The following NRG1 variants were observed in gnomAD, a reference collection of about 807,000 sequenced individuals.
The protein encoded by NRG1 is neuregulin 1.
NRG1 carries 18 observed loss-of-function variants against 63.8 expected under a neutral mutation model. That is an observed-to-expected ratio of 0.28 (90% CI 0.19 to 0.42). The LOEUF (loss-of-function observed/expected upper bound fraction) is 0.42. Ranked by LOEUF, NRG1 falls within the 10% of genes least tolerant of loss-of-function variation. The pLI, the probability that NRG1 is intolerant of heterozygous loss-of-function variation, is 1.00. For missense variants in NRG1, 762 were observed against 814.7 expected (o/e 0.94, Z 0.79); for synonymous variants, 302 against 301.3 (o/e 1.00, Z -0.02).
intron 1 of NRG1, among the ~76,000 whole-genome samples, chr8:32,023,721 G>A (rs13275646): frequency 0.68 from 103,470 of 151,994 alleles, 35,751 homozygotes; most frequent in South Asian, 0.75. Context: ...CCTGGCAGTG[G>A]AGAAACCAAC....
intron 2 of NRG1, among the ~76,000 whole-genome samples, chr8:32,599,577 C>T (rs969498410): frequency 1.3e-5 from 2 of 152,152 alleles, no homozygotes; most frequent in Admixed American, 1.3e-4. Context: ...GTTTATTTGG[C>T]TAACCCATGT....
intron 1 of NRG1, among the ~76,000 whole-genome samples, chr8:31,898,615 A>G (rs1397654220): frequency 6.6e-6 from 1 of 152,184 alleles, no homozygotes; most frequent in African/African-American, 2.4e-5. Context: ...GAGGTAGGAG[A>G]ATCACTTGAA....
intron 1 of NRG1, among the ~76,000 whole-genome samples, chr8:31,874,527 A>G (rs1829748237): frequency 1.3e-5 from 2 of 152,242 alleles, no homozygotes; most frequent in African/African-American, 4.8e-5. Context: ...TAATACAGGC[A>G]TGCAATGCAT....
intron 1 of NRG1, among the ~76,000 whole-genome samples, chr8:32,335,911 C>T (rs1277745136): frequency 6.6e-6 from 1 of 152,088 alleles, no homozygotes; most frequent in Non-Finnish European, 1.5e-5. Context: ...GCCAGGAAGA[C>T]ATGGACAATG....
intron 8 of NRG1, among the ~76,000 whole-genome samples, chr8:32,755,089 A>C (rs1829436335): frequency 6.6e-6 from 1 of 152,180 alleles, no homozygotes; most frequent in Non-Finnish European, 1.5e-5. Flanking sequence ...TCACAGCCTG[A>C]GATGTAAAAA....
chr8:31,913,131 G>T (rs1360957979), intron 1 of NRG1, among the ~76,000 whole-genome samples: 1 of 152,136 alleles, frequency 6.6e-6, no homozygotes, highest in Non-Finnish European at 1.5e-5. Flanking sequence ...TTCTCAGTTT[G>T]CTATAGCTAG....
At chr8:31,760,366 G>A (rs1817409521) in intron 1 of NRG1, among the ~76,000 whole-genome samples, 1 of 151,948 alleles carries the variant, frequency 6.6e-6, no homozygotes, top group Admixed American at 6.6e-5. Flanking sequence ...TTGTAGATAT[G>A]CTACCATTCA....
At position 31,853,045 on chromosome 8, in the gene NRG1, G is replaced by A. The variant is rs868164924; in HGVS notation, c.37+213614G>A. On this transcript the variant is annotated intron_variant, in intron 1 of 10. Coordinates refer to the NRG1 transcript ENST00000519301. The stretch of plus-strand genomic sequence containing the variant: ...AGTATAGTTTGAAGTCAGGTAGTGT[G>A]ATGCCTCCAGCTTTGTTCTTTTGGC... 6.1e-3 allele frequency among the ~76,000 whole-genome samples: 934 copies of A among 152,066 alleles called. 13 individuals are homozygous for A. The highest frequency in any genetic ancestry group is 0.021 in the African/African-American group (889 of 41,500).
At chr8:32,346,297 A>T (rs1387809261) in intron 1 of NRG1, among the ~76,000 whole-genome samples, 1 of 150,010 alleles carries the variant, frequency 6.7e-6, no homozygotes. Context: ...TATAAATTGT[A>T]GATACATAAA....
intron 1 of NRG1, among the ~76,000 whole-genome samples, chr8:32,190,615 C>G (rs928244448): frequency 6.6e-6 from 1 of 152,116 alleles, no homozygotes; most frequent in African/African-American, 2.4e-5. Context: ...ATGGTGTTTC[C>G]CTTGAAATGT....
At chr8:32,592,577 A>C (rs972687641) in intron 1 of NRG1, among the ~76,000 whole-genome samples, 2 of 152,174 alleles carry the variant, frequency 1.3e-5, no homozygotes, top group Non-Finnish European at 2.9e-5. Flanking sequence ...GAAATAAATA[A>C]ACTAATGAAG....
intron 1 of NRG1, among the ~76,000 whole-genome samples, chr8:31,832,172 A>C (rs1233732817): frequency 6.6e-6 from 1 of 151,906 alleles, no homozygotes; most frequent in Admixed American, 6.6e-5. Context: ...GACTAAAAAG[A>C]GCATTTTTAA....
intron 1 of NRG1, among the ~76,000 whole-genome samples, chr8:32,384,322 T>C (rs1265877714): frequency 1.3e-5 from 2 of 152,190 alleles, no homozygotes; most frequent in Non-Finnish European, 2.9e-5. Flanking sequence ...CAAATAATAA[T>C]ACATATAATG....
intron 1 of NRG1, among the ~76,000 whole-genome samples, chr8:31,807,571 T>C (rs1417344903): frequency 6.6e-6 from 1 of 152,218 alleles, no homozygotes; most frequent in East Asian, 1.9e-4. Context: ...AATAATTGTT[T>C]ACTTTATTTC....
At chr8:32,200,738 C>T (rs1843419568) in intron 1 of NRG1, among the ~76,000 whole-genome samples, 1 of 152,158 alleles carries the variant, frequency 6.6e-6, no homozygotes. Context: ...AGCAGAAAGT[C>T]CCTCCTCGGC....
rs1257879253 is a variant in NRG1, at chr8:31,847,338, C to T, written c.37+207907C>T. Among the ~76,000 whole-genome samples the T allele has an allele frequency of 2.7e-5, 4 of 150,836 alleles. No individual in the cohort carries two copies. In the East Asian group the frequency reaches 7.9e-4, roughly 30 times the overall value. ...GCCAAAAACAGAGTTTCTCTACTTC[C>T]ATGTTGATATTCTCCTTAATCTACA... On this transcript the variant is annotated intron_variant, in intron 1 of 10. Transcript: ENST00000519301.
At chr8:32,004,852 G>A (rs913829991) in intron 1 of NRG1, among the ~76,000 whole-genome samples, 11 of 151,856 alleles carry the variant, frequency 7.2e-5, no homozygotes, top group African/African-American at 2.2e-4. Context: ...AGGCAAAAAT[G>A]TACTAGGATA....
chr8:31,921,485 C>G (rs77279879), intron 1 of NRG1, among the ~76,000 whole-genome samples: 94,692 of 151,362 alleles, frequency 0.63, 30,123 homozygotes, highest in East Asian at 0.9. Flanking sequence ...CATACACACA[C>G]ACACACACAC....
intron 1 of NRG1, among the ~76,000 whole-genome samples, chr8:31,887,937 C>A (rs138120039): frequency 1.1e-4 from 17 of 150,884 alleles, no homozygotes; most frequent in Admixed American, 4.0e-4. Context: ...TGTGTTTATT[C>A]AAAAATAATG....
Sources: gnomAD v4.1 joint callset for allele counts (sites outside exome capture counted in the v4.1 genomes callset) on GRCh38, gnomAD v4.1.1 for gene constraint, MANE v1.5 for transcripts, NCBI Gene and HGNC (gene_info 2026-07-23, HGNC 2026-07-21) for gene names.